The following HIVEP3 variants were observed in gnomAD, a reference collection of about 807,000 sequenced individuals.
HIVEP3 encodes transcription factor HIVEP3.
A neutral mutation model predicts 152.8 loss-of-function variants in HIVEP3; 49 were observed. The ratio of observed to expected loss-of-function variants is 0.32; its 90% CI spans 0.26 to 0.41. The LOEUF (loss-of-function observed/expected upper bound fraction) is 0.41, where lower values mean the gene tolerates loss of function less well. Ranked by LOEUF, HIVEP3 falls within the 10% of genes least tolerant of loss-of-function variation. HIVEP3 has a pLI of 1.00. For missense variants in HIVEP3, 2,790 were observed against 3,103.3 expected (o/e 0.90, Z 2.40); for synonymous variants, 1,269 against 1,289.0 (o/e 0.98, Z 0.33).
Position 41,560,081 on chromosome 1 carries a change from C to T in HIVEP3, c.5207+15463G>A, listed in dbSNP as rs560647396. Reference sequence around the variant, plus strand: ...AATGGGGGCAGGGGGTGGCACTATCCGGAATTTATTATTTGCCTGAAGAGG... The same window carrying T: ...AATGGGGGCAGGGGGTGGCACTATCTGGAATTTATTATTTGCCTGAAGAGG... On this transcript the variant is annotated intron_variant, in intron 5 of 8. Coordinates refer to ENST00000372583, the MANE Select transcript of HIVEP3 (RefSeq NM_024503.5). Among the ~76,000 whole-genome samples, 7 of 152,208 alleles carry T rather than the reference C, an allele frequency of 4.6e-5. No homozygotes were observed. The East Asian group carries it at 5.8e-4, about 13-fold the overall frequency.
intron 1 of HIVEP3, among the ~76,000 whole-genome samples, chr1:41,861,220 TG>T (rs1451594761): frequency 1.3e-5 from 2 of 152,228 alleles, no homozygotes; most frequent in Non-Finnish European, 1.5e-5. Context: ...AAAGTCACTT[TG>T]TAGCTTGCCC....
intron 1 of HIVEP3, among the ~76,000 whole-genome samples, chr1:41,763,675 T>A (rs1008356020): frequency 6.6e-6 from 1 of 152,226 alleles, no homozygotes. Context: ...AAATATATCA[T>A]ATAGTAATGC....
intron 1 of HIVEP3, among the ~76,000 whole-genome samples, chr1:41,932,149 T>G (rs1644999248): frequency 6.6e-6 from 1 of 151,506 alleles, no homozygotes; most frequent in Non-Finnish European, 1.5e-5. Flanking sequence ...GTTTTAATCA[T>G]GAATAGATGA....
At chr1:41,781,674 A>G (rs1314717386) in intron 1 of HIVEP3, among the ~76,000 whole-genome samples, 1 of 152,184 alleles carries the variant, frequency 6.6e-6, no homozygotes, top group Admixed American at 6.5e-5. Context: ...TGGGATAGAG[A>G]AAGGTGTTCT....
intron 5 of HIVEP3, among the ~76,000 whole-genome samples, chr1:41,544,515 G>T (rs1413589407): frequency 1.3e-5 from 2 of 151,450 alleles, no homozygotes; most frequent in Non-Finnish European, 2.9e-5. Flanking sequence ...AACTGGACAG[G>T]GAGGGGGATG....
intron 1 of HIVEP3, among the ~76,000 whole-genome samples, chr1:41,807,750 T>C (rs1287759952): frequency 6.6e-6 from 1 of 152,134 alleles, no homozygotes; most frequent in Non-Finnish European, 1.5e-5. Context: ...AAGGGCCAAT[T>C]AACCCCATCT....
chr1:41,735,768 G>A (rs909646607), intron 1 of HIVEP3, among the ~76,000 whole-genome samples: 7 of 152,042 alleles, frequency 4.6e-5, no homozygotes, highest in Non-Finnish European at 7.4e-5. Context: ...GGCCACCCAC[G>A]TGCTATCTAA....
At chr1:41,963,131 C>T (rs2124498787) in intron 1 of HIVEP3, among the ~76,000 whole-genome samples, 1 of 152,318 alleles carries the variant, frequency 6.6e-6, no homozygotes, top group South Asian at 2.1e-4. Context: ...CCTGCCTCAG[C>T]CTCCCATGTA....
chr1:41,879,264 C>A (rs1351836048), intron 1 of HIVEP3, among the ~76,000 whole-genome samples: 1 of 152,184 alleles, frequency 6.6e-6, no homozygotes, highest in Non-Finnish European at 1.5e-5. Flanking sequence ...TTATTGCCTA[C>A]ATGAAGGTGG....
chr1:41,613,852 T>C (rs1644930252), intron 3 of HIVEP3, among the ~76,000 whole-genome samples: 1 of 152,380 alleles, frequency 6.6e-6, no homozygotes, highest in South Asian at 2.1e-4. Context: ...CTAATTCATC[T>C]AGTTTCCATC....
At position 41,838,652 on chromosome 1, in the gene HIVEP3, C is replaced by T. The variant is rs1157378557; in HGVS notation, c.-801+79761G>A. 2.0e-5 allele frequency among the ~76,000 whole-genome samples: 3 copies of T among 152,146 alleles called. No individual in the cohort carries two copies. The East Asian group carries it at 5.8e-4, about 29-fold the overall frequency. ...AGGCAGCATCTCCCTGTGCAAAGAA[C>T]ACAGGCTTTGAATCCTACTCTCTAC... On this transcript the variant is annotated intron_variant, in intron 1 of 8. Transcript: ENST00000372583.
chr1:41,777,515 T>TG (rs1286177513), intron 1 of HIVEP3, among the ~76,000 whole-genome samples: 1 of 152,224 alleles, frequency 6.6e-6, no homozygotes, highest in African/African-American at 2.4e-5. Context: ...GCCAAGTCCC[T>TG]GGTCCACGGT....
intron 1 of HIVEP3, among the ~76,000 whole-genome samples, chr1:41,738,617 A>C (rs1336912705): frequency 1.3e-5 from 2 of 152,188 alleles, no homozygotes; most frequent in Non-Finnish European, 2.9e-5. Context: ...CCATCAGCTC[A>C]CAGGACCTGG....
At chr1:41,875,635 C>A (rs1170411282) in intron 1 of HIVEP3, among the ~76,000 whole-genome samples, 1 of 152,230 alleles carries the variant, frequency 6.6e-6, no homozygotes, top group Admixed American at 6.5e-5. Context: ...TCAGGACACT[C>A]CAGCAGCTGT....
At chr1:41,693,409 C>T (rs1426878157) in intron 2 of HIVEP3, among the ~76,000 whole-genome samples, 2 of 152,148 alleles carry the variant, frequency 1.3e-5, no homozygotes, top group East Asian at 1.9e-4. Context: ...GTCTCCTTTG[C>T]CCCTGGGTGA....
chr1:41,986,369 A>T (rs1471699740), intron 1 of HIVEP3, among the ~76,000 whole-genome samples: 2 of 152,076 alleles, frequency 1.3e-5, no homozygotes, highest in Non-Finnish European at 2.9e-5. Context: ...CATAACACTG[A>T]AGTTCTATAA....
chr1:41,671,068 A>G (rs1415838124), intron 2 of HIVEP3, among the ~76,000 whole-genome samples: 1 of 152,190 alleles, frequency 6.6e-6, no homozygotes, highest in African/African-American at 2.4e-5. Context: ...GACACCCCCA[A>G]GCAAAGGCAG....
chr1:41,821,997 C>T (rs530537524), intron 1 of HIVEP3, among the ~76,000 whole-genome samples: 6 of 152,296 alleles, frequency 3.9e-5, no homozygotes, highest in African/African-American at 7.2e-5. Flanking sequence ...CAAACCACTC[C>T]GAAATGCAGT....
chr1:41,879,319 G>A (rs559632515), intron 1 of HIVEP3, among the ~76,000 whole-genome samples: 3 of 152,256 alleles, frequency 2.0e-5, no homozygotes, highest in African/African-American at 7.2e-5. Flanking sequence ...AGGAATACTA[G>A]GCATCCCTCC....
Sources: allele counts gnomAD v4.1 joint callset (sites outside exome capture counted in the v4.1 genomes callset), GRCh38; gene constraint gnomAD v4.1.1; transcripts MANE v1.5; gene names NCBI Gene and HGNC (gene_info 2026-07-23, HGNC 2026-07-21).